Variants in HDAC9 observed in about 807,000 individuals in gnomAD.
HDAC9 encodes the protein histone deacetylase 9, also known as MEF-2 interacting transcription repressor (MITR) protein.
HDAC9 carries 41 observed loss-of-function variants against 139.4 expected under a neutral mutation model. The ratio of observed to expected loss-of-function variants is 0.29; its 90% CI spans 0.23 to 0.38. The LOEUF is 0.38. Among genes scored for constraint, HDAC9 ranks in the 10% least tolerant of loss-of-function variants. HDAC9 has a pLI of 1.00. For missense variants in HDAC9, 1,147 were observed against 1,297.0 expected, an observed-to-expected ratio of 0.88 and a Z score of 1.78; for synonymous variants, 517 against 476.2, an observed-to-expected ratio of 1.09 and a Z score of -1.12.
intron 1 of HDAC9, among the ~76,000 whole-genome samples, chr7:18,485,741 G>A (rs572369613): frequency 3.3e-5 from 5 of 152,216 alleles, no homozygotes; most frequent in South Asian, 2.1e-4. Flanking sequence ...AAAGGCAGAT[G>A]TTAATATCCC....
chr7:18,654,471 C>T (rs977781607), intron 11 of HDAC9, among the ~76,000 whole-genome samples: 1 of 152,038 alleles, frequency 6.6e-6, no homozygotes, highest in Non-Finnish European at 1.5e-5. Context: ...TCCCTTCAAC[C>T]TTAACAACTC....
chr7:18,820,790 C>T (rs1794907499), intron 17 of HDAC9, among the ~76,000 whole-genome samples: 2 of 152,056 alleles, frequency 1.3e-5, no homozygotes, highest in Non-Finnish European at 2.9e-5. Flanking sequence ...GTGTAATAAA[C>T]ATAATAACAA....
In HDAC9 at chr7:18,998,731, T is replaced by C. The variant is rs752227072; in HGVS notation, c.*2669T>C. The C allele has an allele frequency of 6.6e-6, 1 of 152,360 alleles. No homozygotes were observed. Among genetic ancestry groups the C allele is most frequent in the East Asian group, 1.9e-4 (1 of 5,192 alleles). The allele number at this position is 152,360 out of a possible 1,614,324, so 9.4% of individuals were successfully genotyped here. A position where few individuals can be genotyped will look rare whatever the true frequency, so the allele number is the denominator to read the frequency against. On this transcript the variant is annotated 3_prime_UTR_variant, in exon 26 of 26. Transcript: ENST00000686413. ...TGAATGAGAGGCTAGAAGAGTATTA[T>C]CAATTTTGCATCTCCTTGTGATACT... is the stretch of plus-strand genomic sequence containing the variant.
intron 1 of HDAC9, among the ~76,000 whole-genome samples, chr7:18,320,214 AG>A (rs1305213120): frequency 6.6e-6 from 1 of 152,154 alleles, no homozygotes; most frequent in Admixed American, 6.5e-5. Flanking sequence ...TCTGCTTATG[AG>A]ATTAATTTGG....
chr7:18,406,939 A>G (rs1252271617), intron 1 of HDAC9, among the ~76,000 whole-genome samples: 3 of 152,170 alleles, frequency 2.0e-5, no homozygotes, highest in African/African-American at 7.2e-5. Flanking sequence ...AATCAGATAT[A>G]TCTTCTTAGA....
At chr7:18,496,695 G>A (rs775171387) in intron 2 of HDAC9, 2 of 174,890 alleles carry the variant, frequency 1.1e-5, no homozygotes, top group Non-Finnish European at 2.4e-5. Context: ...TCATATTGGG[G>A]CTTCAGTTTA....
intron 12 of HDAC9, among the ~76,000 whole-genome samples, chr7:18,711,839 A>C (rs1784366506): frequency 1.3e-5 from 2 of 152,044 alleles, no homozygotes; most frequent in South Asian, 4.2e-4. Context: ...GAGCTCAAAT[A>C]GCCATTCACC....
intron 2 of HDAC9, among the ~76,000 whole-genome samples, chr7:18,272,559 C>T (rs1362471072): frequency 1.3e-5 from 2 of 152,058 alleles, no homozygotes; most frequent in African/African-American, 4.8e-5. Context: ...TGGAAGCTGT[C>T]TCTAACACTA....
chr7:18,518,473 T>G (rs1395006631), intron 2 of HDAC9, among the ~76,000 whole-genome samples: 2 of 151,846 alleles, frequency 1.3e-5, no homozygotes, highest in East Asian at 1.9e-4. Flanking sequence ...TTAGAAAGAG[T>G]GATAACAAAT....
intron 23 of HDAC9, among the ~76,000 whole-genome samples, chr7:18,953,673 C>T (rs1411446965): frequency 6.6e-6 from 1 of 152,044 alleles, no homozygotes; most frequent in East Asian, 1.9e-4. Flanking sequence ...GCAGCTGTGT[C>T]TCATGGCTTT....
chr7:18,864,636 AAACT>A (rs1371269971), intron 21 of HDAC9, among the ~76,000 whole-genome samples: 1 of 152,018 alleles, frequency 6.6e-6, no homozygotes, highest in Non-Finnish European at 1.5e-5. Context: ...GAAAGAAAAA[AAACT>A]AAGAGGATTG....
intron 12 of HDAC9, among the ~76,000 whole-genome samples, chr7:18,675,639 T>A (rs1781454877): frequency 6.6e-6 from 1 of 151,998 alleles, no homozygotes; most frequent in African/African-American, 2.4e-5. Flanking sequence ...TCAAAAAAAA[T>A]TATAGTACAG....
intron 2 of HDAC9, among the ~76,000 whole-genome samples, chr7:18,177,354 C>G (rs1367945575): frequency 6.6e-6 from 1 of 152,202 alleles, no homozygotes; most frequent in Non-Finnish European, 1.5e-5. Flanking sequence ...CTCAGCCTAA[C>G]TCTGATATAG....
intron 1 of HDAC9, among the ~76,000 whole-genome samples, chr7:18,399,880 C>T (rs1164557519): frequency 6.6e-6 from 1 of 152,210 alleles, no homozygotes; most frequent in Non-Finnish European, 1.5e-5. Context: ...CTTGAAGTCA[C>T]ATTCTTTTCT....
Position 18,185,893 on chromosome 7 carries a change from A to G in HDAC9, c.25+23544A>G, listed in dbSNP as rs1303151012. On this transcript the variant is annotated intron_variant, in intron 2 of 12. Coordinates refer to the HDAC9 transcript ENST00000417496. ...AAATGGTATTTTGTCACTTCGTGCAAAGTATCTTGATCATTCTGGGCCTAT... is the reference window on the plus strand; with the variant it reads ...AAATGGTATTTTGTCACTTCGTGCAGAGTATCTTGATCATTCTGGGCCTAT... Among the ~76,000 whole-genome samples, 3 of 152,322 alleles carry G rather than the reference A, an allele frequency of 2.0e-5. No homozygotes were observed. The East Asian group carries it at 5.8e-4, about 29-fold the overall frequency.
At chr7:18,649,575 G>C (rs74390746) in intron 11 of HDAC9, among the ~76,000 whole-genome samples, 1 of 152,120 alleles carries the variant, frequency 6.6e-6, no homozygotes, top group Non-Finnish European at 1.5e-5. Context: ...TAAATGGATA[G>C]CTAAAACCTG....
chr7:18,507,381 G>C (rs998528590), intron 2 of HDAC9, among the ~76,000 whole-genome samples: 3 of 151,472 alleles, frequency 2.0e-5, no homozygotes, highest in Non-Finnish European at 4.4e-5. Context: ...TTTTAGTAGA[G>C]ACGGGGTTTC....
intron 2 of HDAC9, among the ~76,000 whole-genome samples, chr7:18,547,863 C>T (rs1275508766): frequency 5.0e-4 from 60 of 120,628 alleles, no homozygotes; most frequent in Admixed American, 6.5e-4. Flanking sequence ...TTCCTACCCT[C>T]CCTCCCTCCC....
chr7:18,221,423 A>G (rs1792697646), intron 2 of HDAC9, among the ~76,000 whole-genome samples: 1 of 152,078 alleles, frequency 6.6e-6, no homozygotes, highest in South Asian at 2.1e-4. Context: ...GGTGTTTCCT[A>G]TGACTTATCC....
Sources: gnomAD v4.1 joint callset for allele counts (sites outside exome capture counted in the v4.1 genomes callset) on GRCh38, gnomAD v4.1.1 for gene constraint, MANE v1.5 for transcripts, NCBI Gene and HGNC (gene_info 2026-07-23, HGNC 2026-07-21) for gene names.